The following PITPNM2 variants were observed in gnomAD, a reference collection of about 807,000 sequenced individuals.
PITPNM2 encodes the protein membrane-associated phosphatidylinositol transfer protein 2.
A neutral mutation model predicts 132.2 loss-of-function variants in PITPNM2; 35 were observed. The ratio of observed to expected loss-of-function variants is 0.26; its 90% CI spans 0.20 to 0.35. The LOEUF (loss-of-function observed/expected upper bound fraction) is 0.35, where lower values mean the gene tolerates loss of function less well. Ranked by LOEUF, PITPNM2 falls within the 10% of genes least tolerant of loss-of-function variation. The pLI, the probability that PITPNM2 is intolerant of heterozygous loss-of-function variation, is 1.00. For synonymous variants in PITPNM2, 738 were observed against 799.2 expected (o/e 0.92, Z 1.29); for missense variants, 1,332 against 1,912.0 (o/e 0.70, Z 5.66).
intron 2 of PITPNM2, among the ~76,000 whole-genome samples, chr12:123,066,797 G>C (rs938094135): frequency 2.6e-5 from 4 of 152,028 alleles, no homozygotes; most frequent in South Asian, 4.2e-4. Flanking sequence ...CTGCCTACTG[G>C]ACCCCCTCGG....
chr12:122,995,444 C>T lies in PITPNM2; in HGVS notation c.1999G>A (p.Asp667Asn), dbSNP rs766782087. ...PKRQLPRKRS[D>N]SSTYELDTIQ... ...GTATCCAGCTCGTAGGTGGATGAGT[C>T]GCTCCTCTTGCGGGGCAGTTGCCTT... The change falls in exon 14 of 26, where the codon GAC becomes AAC. Residue 667 changes from aspartate to asparagine, a missense_variant. Physicochemically the swap from Asp to Asn is conservative, Grantham distance 23 (BLOSUM62 1). Coordinates refer to ENST00000320201, the MANE Select transcript of PITPNM2 (RefSeq NM_020845.3). 1.1e-5 allele frequency: 17 copies of T among 1,613,492 alleles called. No individual in the cohort carries two copies. Among genetic ancestry groups the T allele is most frequent in the South Asian group, 8.8e-5 (8 of 91,042 alleles).
At chr12:123,134,735 C>T (rs998892549) in intron 1 of PITPNM2, among the ~76,000 whole-genome samples, 2 of 152,120 alleles carry the variant, frequency 1.3e-5, no homozygotes, top group African/African-American at 4.8e-5. Context: ...AAAATAGGCC[C>T]GTTGTGTGGT....
At chr12:123,043,558 C>T (rs897875765) in intron 2 of PITPNM2, among the ~76,000 whole-genome samples, 4 of 152,222 alleles carry the variant, frequency 2.6e-5, no homozygotes, top group Admixed American at 2.0e-4. Context: ...ACCTGGAGTG[C>T]CAAGCTGGGG....
At chr12:123,042,070 C>T (rs1019902323) in intron 2 of PITPNM2, among the ~76,000 whole-genome samples, 10 of 152,054 alleles carry the variant, frequency 6.6e-5, no homozygotes, top group African/African-American at 2.4e-4. Flanking sequence ...AGGATGCATC[C>T]AGACCAGGGT....
At chr12:123,120,952 G>A (rs1311787250) in intron 1 of PITPNM2, among the ~76,000 whole-genome samples, 1 of 152,218 alleles carries the variant, frequency 6.6e-6, no homozygotes, top group East Asian at 1.9e-4. Context: ...CCGGCAGCAG[G>A]CCAGAGACAC....
chr12:123,052,077 G>GTTTTTTT (rs10606016), intron 2 of PITPNM2, among the ~76,000 whole-genome samples: 20 of 100,606 alleles, frequency 2.0e-4, no homozygotes, highest in South Asian at 3.6e-4. Flanking sequence ...TAATTTTATT[G>GTTTTTTT]TTTTTTTTTT....
At chr12:123,093,992 G>T (rs2042338942) in intron 2 of PITPNM2, among the ~76,000 whole-genome samples, 1 of 152,236 alleles carries the variant, frequency 6.6e-6, no homozygotes, top group Non-Finnish European at 1.5e-5. Context: ...AGGCCCCTCA[G>T]GCTGGGCTCG....
At chr12:123,094,118 C>T (rs936195288) in intron 2 of PITPNM2, among the ~76,000 whole-genome samples, 1 of 152,262 alleles carries the variant, frequency 6.6e-6, no homozygotes, top group Admixed American at 6.5e-5. Flanking sequence ...TGTCACTGGG[C>T]CATGGCAGCT....
chr12:123,148,539 G>C (rs2043664470), intron 1 of PITPNM2, among the ~76,000 whole-genome samples: 1 of 152,122 alleles, frequency 6.6e-6, no homozygotes, highest in African/African-American at 2.4e-5. Context: ...ACTTTAACTA[G>C]ATGGGCTGGT....
chr12:123,054,715 A>G (rs2040963153), intron 2 of PITPNM2, among the ~76,000 whole-genome samples: 1 of 152,164 alleles, frequency 6.6e-6, no homozygotes, highest in Non-Finnish European at 1.5e-5. Flanking sequence ...TCTTGCTTTG[A>G]CCTTCTGCAT....
intron 3 of PITPNM2, among the ~76,000 whole-genome samples, chr12:123,017,088 A>G (rs2136287835): frequency 6.6e-6 from 1 of 150,784 alleles, no homozygotes; most frequent in East Asian, 1.9e-4. Flanking sequence ...ATAGTTTAGC[A>G]GGGCAGGCAT....
intron 3 of PITPNM2, among the ~76,000 whole-genome samples, chr12:123,029,857 G>GCA (rs1372036349): frequency 8.7e-5 from 13 of 149,442 alleles, no homozygotes; most frequent in African/African-American, 2.5e-4. Context: ...GTGTGTGTGT[G>GCA]CACTAGAGCC....
chr12:123,017,473 C>CAG (rs2039473918), intron 3 of PITPNM2, among the ~76,000 whole-genome samples: 4 of 152,066 alleles, frequency 2.6e-5, no homozygotes. Context: ...TAACTGAAAA[C>CAG]AGAGACTTGA....
intron 1 of PITPNM2, among the ~76,000 whole-genome samples, chr12:123,121,359 C>A (rs1198789946): frequency 2.0e-5 from 3 of 152,172 alleles, no homozygotes; most frequent in African/African-American, 7.2e-5. Context: ...CAGAACAAGA[C>A]CGTGTGTCAA....
rs1334230635 is a variant in PITPNM2 at position 123,013,860 on chromosome 12, C to T, written c.261G>A (p.Glu87=). 1 of 1,614,232 alleles carries T rather than the reference C, an allele frequency of 6.2e-7. No individual in the cohort carries two copies. The highest frequency in any genetic ancestry group is 2.2e-5 in the East Asian group (1 of 44,890). Residue 87 remains glutamate (E), a synonymous_variant, in exon 4 of 26, where the codon GAG becomes GAA. Transcript: ENST00000320201. ...LPKAALRVVE[E]SWNAYPYTRT... The stretch of plus-strand genomic sequence containing the variant: ...GGGTGTAGGGGTAGGCATTCCAAGA[C>T]TCCTCCACCACCCGCAGGGCTGCCT...
Position 123,034,611 on chromosome 12 carries a change from G to T in PITPNM2, c.-21C>A. ...ATCATCTTGGAGTCCAAGCCTTCCC[G>T]TCGATGGGGAACTGCAAGTTGGGAC... On this transcript the variant is annotated 5_prime_UTR_variant, in exon 3 of 26. Coordinates refer to ENST00000320201, the MANE Select transcript of PITPNM2 (RefSeq NM_020845.3). 1 of 1,610,282 alleles carries T rather than the reference G, an allele frequency of 6.2e-7. No homozygotes were observed. Among genetic ancestry groups the T allele is most frequent in the Non-Finnish European group, 8.5e-7 (1 of 1,176,466 alleles).
chr12:123,058,571 C>G lies in PITPNM2; in HGVS notation c.-95-23886G>C, dbSNP rs2041122504. 6.6e-6 allele frequency among the ~76,000 whole-genome samples: 1 copy of G among 152,192 alleles called. No homozygotes were observed. Among genetic ancestry groups the G allele is most frequent in the African/African-American group, 2.4e-5 (1 of 41,454 alleles). ...CTCACTCCACCATTCACCTGCTGTT[C>G]CCTGCTGTCATTCTTGTTGTTCCCT... On this transcript the variant is annotated intron_variant, in intron 2 of 25. Coordinates refer to ENST00000320201, the MANE Select transcript of PITPNM2 (RefSeq NM_020845.3). This position sits in a 1 kb window ranked among gnomAD's most constrained non-coding sequence, Gnocchi z 4.0.
At chr12:123,019,647 C>A (rs1052653490) in intron 3 of PITPNM2, among the ~76,000 whole-genome samples, 4 of 152,208 alleles carry the variant, frequency 2.6e-5, no homozygotes, top group Non-Finnish European at 5.9e-5. Context: ...GCTGAAATAA[C>A]CCCAAATAGC....
chr12:123,059,220 C>T (rs2041147249), intron 2 of PITPNM2, among the ~76,000 whole-genome samples: 1 of 152,210 alleles, frequency 6.6e-6, no homozygotes, highest in East Asian at 1.9e-4. Context: ...GGGGGCTCTT[C>T]CAAGGGCCAT....
Sources: gnomAD v4.1 joint callset for allele counts (sites outside exome capture counted in the v4.1 genomes callset) on GRCh38, gnomAD v4.1.1 for gene constraint, Gnocchi (gnomAD v3.1) non-coding constraint, MANE v1.5 for transcripts, NCBI Gene and HGNC (gene_info 2026-07-23, HGNC 2026-07-21) for gene names.